PGS1: variants seen among roughly 807,000 people sequenced by gnomAD.
PGS1 encodes CDP-diacylglycerol--glycerol-3-phosphate 3-phosphatidyltransferase, mitochondrial.
PGS1 carries 44 observed loss-of-function variants against 58.3 expected under a neutral mutation model. The ratio of observed to expected loss-of-function variants is 0.75; its 90% CI spans 0.59 to 0.97. The LOEUF is 0.97. PGS1 is among the 50% of genes least tolerant of loss of function. The pLI, the probability that PGS1 is intolerant of heterozygous loss-of-function variation, is 0.00. For synonymous variants in PGS1, 330 were observed against 311.0 expected, an observed-to-expected ratio of 1.06 and a Z score of -0.64; for missense variants, 684 against 731.1, an observed-to-expected ratio of 0.94 and a Z score of 0.74.
intron 9 of PGS1, chr17:78,420,718 ATTAC>A (rs2085651276): frequency 6.6e-6 from 1 of 152,090 alleles, no homozygotes; most frequent in Admixed American, 6.5e-5. Flanking sequence ...AGTTATTTTA[ATTAC>A]TTTTCATTTT....
At chr17:78,386,906 T>G (rs952101781) in intron 1 of PGS1, among the ~76,000 whole-genome samples, 19 of 152,202 alleles carry the variant, frequency 1.2e-4, no homozygotes, top group African/African-American at 4.3e-4. Context: ...GAGCAAGAAC[T>G]GGCTCCTTCT....
intron 8 of PGS1, among the ~76,000 whole-genome samples, chr17:78,415,243 C>T (rs776713142): frequency 1.1e-4 from 16 of 152,226 alleles, no homozygotes; most frequent in East Asian, 5.8e-4. Flanking sequence ...TTGCACCCCA[C>T]GTCCTGGGGA....
rs1040032348 is a variant in PGS1, at chr17:78,419,790, T to G, written c.*10+115T>G. ...GAGGGCTCTTTGATCCCTTTCTCAGTTAAACACAGAGCAGCATCTTCAGGG... is the reference window on the plus strand; with the variant it reads ...GAGGGCTCTTTGATCCCTTTCTCAGGTAAACACAGAGCAGCATCTTCAGGG... On this transcript the variant is annotated intron_variant, in intron 9 of 9. Coordinates refer to ENST00000262764, the MANE Select transcript of PGS1 (RefSeq NM_024419.5). The G allele has an allele frequency of 1.2e-5, 19 of 1,538,828 alleles. No homozygotes were observed. The African/African-American group carries it at 2.5e-4, about 20-fold the overall frequency.
At chr17:78,392,365 G>A in intron 1 of PGS1, 111 bp from the exon 2 acceptor site, 2 of 662,774 alleles carry the variant, frequency 3.0e-6, no homozygotes, top group South Asian at 4.2e-5. Context: ...CATAACACAA[G>A]CAACGCACCC....
At chr17:78,399,853 T>C (rs1434452877) in intron 5 of PGS1, 2 of 351,328 alleles carry the variant, frequency 5.7e-6, no homozygotes, top group African/African-American at 2.1e-5. Flanking sequence ...TCAGAGAGGA[T>C]GAGTCACTTT....
intron 9 of PGS1, among the ~76,000 whole-genome samples, chr17:78,423,299 C>T (rs184055096): frequency 5.6e-4 from 86 of 152,218 alleles, no homozygotes; most frequent in Admixed American, 1.7e-3. Context: ...CCTACAGGTC[C>T]GGGGCTTGCT....
chr17:78,390,722 C>T (rs903093681), intron 1 of PGS1, among the ~76,000 whole-genome samples: 6 of 152,114 alleles, frequency 3.9e-5, no homozygotes, highest in African/African-American at 9.7e-5. Flanking sequence ...TCTGGGTGTG[C>T]GGTCCCTCCA....
rs552331826 is a variant in PGS1 at position 78,422,764 on chromosome 17, G to A, written c.*11-1297G>A. On this transcript the variant is annotated intron_variant, in intron 9 of 9. Coordinates refer to ENST00000262764, the MANE Select transcript of PGS1 (RefSeq NM_024419.5). ...AGATTGCCGTCCTGGGATTAGAGGC[G>A]TGAGCTGCTGCAGCGGCCTGCTTTT... Among the ~76,000 whole-genome samples, 12 of 147,498 alleles carry A rather than the reference G, an allele frequency of 8.1e-5. No homozygotes were observed. In the East Asian group the frequency reaches 1.5e-3, roughly 19 times the overall value.
chr17:78,386,455 C>T (rs559061637), intron 1 of PGS1, among the ~76,000 whole-genome samples: 1 of 152,294 alleles, frequency 6.6e-6, no homozygotes, highest in African/African-American at 2.4e-5. Flanking sequence ...CCAGCCCCCA[C>T]CACTTCCTCC....
chr17:78,411,374 C>T (rs762231250), intron 7 of PGS1, among the ~76,000 whole-genome samples: 1 of 152,174 alleles, frequency 6.6e-6, no homozygotes, highest in Non-Finnish European at 1.5e-5. Context: ...CAGGGGCAGG[C>T]GTCCTTTCTG....
chr17:78,399,852 A>T (rs1396133430), intron 5 of PGS1: 1 of 359,262 alleles, frequency 2.8e-6, no homozygotes, highest in Non-Finnish European at 5.2e-6. Flanking sequence ...ATCAGAGAGG[A>T]TGAGTCACTT....
intron 1 of PGS1, among the ~76,000 whole-genome samples, chr17:78,385,371 C>G (rs941799133): frequency 2.6e-5 from 4 of 151,940 alleles, no homozygotes; most frequent in African/African-American, 9.7e-5. Context: ...TCACTACAAG[C>G]TCTGCCTGCC....
intron 1 of PGS1, among the ~76,000 whole-genome samples, chr17:78,383,427 T>C (rs879587191): frequency 2.0e-5 from 3 of 152,176 alleles, no homozygotes; most frequent in Non-Finnish European, 4.4e-5. Flanking sequence ...GGTTTCTCCA[T>C]GTTGGTCAGG....
Position 78,419,655 on chromosome 17 carries a change from ACTT to A in PGS1, c.1667_1669del (p.Phe556del), listed in dbSNP as rs767400550. The A allele has an allele frequency of 6.2e-6, 10 of 1,613,808 alleles. No individual in the cohort carries two copies. Among genetic ancestry groups the A allele is most frequent in the East Asian group, 2.2e-5 (1 of 44,878 alleles). On this transcript the variant is annotated inframe_deletion, in exon 9 of 10. Transcript: ENST00000262764. Reference sequence around the variant, plus strand: ...AAGATGGTGACTCCACTGATCAAGAACTTCTTCTGAGGACAGACAGGTGCTGTC... The same window carrying A: ...AAGATGGTGACTCCACTGATCAAGAACTTCTGAGGACAGACAGGTGCTGTC...
intron 7 of PGS1, among the ~76,000 whole-genome samples, chr17:78,412,811 T>G (rs1038981836): frequency 1.8e-4 from 28 of 152,210 alleles, no homozygotes; most frequent in Non-Finnish European, 8.8e-5. Flanking sequence ...ACAGACCCAC[T>G]GTTTTAAGAG....
chr17:78,409,528 C>A (rs2084446697), intron 7 of PGS1, among the ~76,000 whole-genome samples: 1 of 152,234 alleles, frequency 6.6e-6, no homozygotes, highest in African/African-American at 2.4e-5. Flanking sequence ...CGGCTCTCCC[C>A]TGGGCACCCA....
At chr17:78,381,639 ATAGT>A (rs1486068219) in intron 1 of PGS1, among the ~76,000 whole-genome samples, 1 of 152,148 alleles carries the variant, frequency 6.6e-6, no homozygotes, top group Non-Finnish European at 1.5e-5. Context: ...TTCATTGATA[ATAGT>A]TCTGTGCAGT....
At chr17:78,411,172 A>G (rs1248228663) in intron 7 of PGS1, among the ~76,000 whole-genome samples, 4 of 152,064 alleles carry the variant, frequency 2.6e-5, no homozygotes, top group Admixed American at 6.6e-5. Context: ...CAGAGGGGAG[A>G]GAAATGAGGA....
intron 9 of PGS1, chr17:78,420,347 C>T (rs2085603834): frequency 7.9e-6 from 4 of 505,092 alleles, no homozygotes; most frequent in Non-Finnish European, 1.0e-5. Flanking sequence ...GTCTTGACGC[C>T]TAGAGGTCCG....
Sources: gnomAD v4.1 joint callset for allele counts (sites outside exome capture counted in the v4.1 genomes callset) on GRCh38, gnomAD v4.1.1 for gene constraint, MANE v1.5 for transcripts, NCBI Gene and HGNC (gene_info 2026-07-23, HGNC 2026-07-21) for gene names.